Variants in GPC6 observed in about 807,000 individuals in gnomAD.
GPC6 encodes glypican 6, also known as glypican-6.
In GPC6, 14 loss-of-function variants were observed where a neutral mutation model predicts 55.2. That is an observed-to-expected ratio of 0.25 (90% CI 0.17 to 0.40). GPC6 has a LOEUF of 0.40. Among genes scored for constraint, GPC6 ranks in the 10% least tolerant of loss-of-function variants. GPC6 has a pLI of 1.00. For missense variants in GPC6, 641 were observed against 708.5 expected (o/e 0.90, Z 1.08); for synonymous variants, 278 against 259.6 (o/e 1.07, Z -0.68).
At chr13:94,174,503 G>C (rs567191490) in intron 4 of GPC6, among the ~76,000 whole-genome samples, 3 of 152,032 alleles carry the variant, frequency 2.0e-5, no homozygotes, top group Non-Finnish European at 4.4e-5. Flanking sequence ...GAACAAGGAA[G>C]CACAAAATTG....
chr13:93,809,254 G>A (rs994815688), intron 2 of GPC6, among the ~76,000 whole-genome samples: 20 of 152,110 alleles, frequency 1.3e-4, no homozygotes, highest in African/African-American at 3.9e-4. Context: ...GAGTTCCCAG[G>A]ATCAGTGACC....
chr13:93,626,801 C>CA (rs57272841), intron 2 of GPC6, among the ~76,000 whole-genome samples: 1,198 of 67,328 alleles, frequency 0.018, 12 homozygotes, highest in East Asian at 0.048. Context: ...GACTGCATCT[C>CA]AAAAAAAAAA....
rs367773534 is a variant in GPC6 at position 93,503,348 on chromosome 13, C to T, written c.161-41915C>T. On this transcript the variant is annotated intron_variant, in intron 1 of 8. Transcript: ENST00000377047. ...GGTGAATCTTTAGGGCAGCAGTTAGCACAATTTTCTATAAAGGACCAGACA... is the reference window on the plus strand; with the variant it reads ...GGTGAATCTTTAGGGCAGCAGTTAGTACAATTTTCTATAAAGGACCAGACA... Among the ~76,000 whole-genome samples, 343 of 152,282 alleles carry T rather than the reference C, an allele frequency of 2.3e-3. 3 individuals are homozygous for T. Among genetic ancestry groups the T allele is most frequent in the African/African-American group, 7.8e-3 (324 of 41,560 alleles).
At position 93,273,190 on chromosome 13, in the gene GPC6, AT is replaced by A. The variant is rs563682993; in HGVS notation, c.160+45579del. 3.8e-3 allele frequency among the ~76,000 whole-genome samples: 584 copies of A among 152,236 alleles called. 3 individuals carry two copies. The highest frequency in any genetic ancestry group is 0.014 in the African/African-American group (564 of 41,518). ...CATCTAGGAATATGTTTTCCAAGTG[AT>A]TTTTACAAAAAGATAGTCTGAATCT... On this transcript the variant is annotated intron_variant, in intron 1 of 8. Transcript: ENST00000377047.
At chr13:93,870,468 G>A (rs1889095783) in intron 3 of GPC6, among the ~76,000 whole-genome samples, 1 of 151,782 alleles carries the variant, frequency 6.6e-6, no homozygotes, top group Non-Finnish European at 1.5e-5. Flanking sequence ...TTTTATTATA[G>A]AATAGTCCAA....
At chr13:94,286,518 T>C (rs767991945) in intron 5 of GPC6, 39 bp downstream of exon 5, 1 of 1,571,066 alleles carries the variant, frequency 6.4e-7, no homozygotes, top group Non-Finnish European at 8.8e-7. Context: ...TACATGTATG[T>C]TATACAGGTG....
intron 3 of GPC6, among the ~76,000 whole-genome samples, chr13:93,853,012 TA>T (rs949926213): frequency 6.0e-4 from 91 of 151,848 alleles, no homozygotes; most frequent in Middle Eastern, 6.8e-3. Context: ...AAAATCCAGT[TA>T]AAAAATAATT....
At chr13:93,853,750 C>T (rs1455435619) in intron 3 of GPC6, among the ~76,000 whole-genome samples, 2 of 151,534 alleles carry the variant, frequency 1.3e-5, no homozygotes, top group African/African-American at 2.4e-5. Context: ...AATGTGTTTT[C>T]TGAATTTCTT....
At chr13:93,974,178 T>G (rs1462990558) in intron 3 of GPC6, among the ~76,000 whole-genome samples, 1 of 152,222 alleles carries the variant, frequency 6.6e-6, no homozygotes, top group Non-Finnish European at 1.5e-5. Context: ...TTTCTCTGAA[T>G]TCCTGGTAAT....
chr13:93,623,682 T>C (rs751507079), intron 2 of GPC6, among the ~76,000 whole-genome samples: 4 of 152,038 alleles, frequency 2.6e-5, no homozygotes, highest in Admixed American at 6.6e-5. Context: ...ATGGTCTTGA[T>C]CTCCTGACCT....
intron 2 of GPC6, among the ~76,000 whole-genome samples, chr13:93,727,313 A>T (rs887692043): frequency 1.3e-5 from 2 of 152,166 alleles, no homozygotes; most frequent in African/African-American, 4.8e-5. Context: ...ACCACTGGCT[A>T]CAGAATATTG....
intron 3 of GPC6, among the ~76,000 whole-genome samples, chr13:93,860,864 C>G (rs1021096643): frequency 1.3e-5 from 2 of 151,608 alleles, no homozygotes; most frequent in African/African-American, 2.4e-5. Context: ...CTTAGTTGCT[C>G]TCACTATAGC....
At chr13:93,600,950 AAAAAAAAAAAAAAAAAG>A (rs1877988475) in intron 2 of GPC6, among the ~76,000 whole-genome samples, 1 of 134,176 alleles carries the variant, frequency 7.5e-6, no homozygotes, top group South Asian at 2.3e-4. Context: ...ATTCCGCCTC[AAAAAAAAAAAAAAAAAG>A]AAAAAAAAAA....
intron 4 of GPC6, among the ~76,000 whole-genome samples, chr13:94,157,086 G>A (rs547649078): frequency 3.9e-5 from 6 of 152,238 alleles, no homozygotes; most frequent in East Asian, 3.9e-4. Flanking sequence ...TTAAGCAAAC[G>A]AAAAAGATCC....
At chr13:93,250,071 G>A (rs2139026960) in intron 1 of GPC6, among the ~76,000 whole-genome samples, 1 of 152,232 alleles carries the variant, frequency 6.6e-6, no homozygotes, top group South Asian at 2.1e-4. Flanking sequence ...TTGACTCCTG[G>A]CTCCTCTACT....
chr13:93,486,658 C>T (rs918550626), intron 1 of GPC6, among the ~76,000 whole-genome samples: 2 of 152,096 alleles, frequency 1.3e-5, no homozygotes, highest in African/African-American at 4.8e-5. Flanking sequence ...GTGTAAGAGA[C>T]CATCTTGGCC....
At chr13:94,027,614 G>T in intron 3 of GPC6, 115 bp from the exon 4 acceptor site, 1 of 902,058 alleles carries the variant, frequency 1.1e-6, no homozygotes. Context: ...TTCAAGATCA[G>T]TAATTACAAA....
At chr13:93,513,294 C>T (rs7331487) in intron 1 of GPC6, among the ~76,000 whole-genome samples, 101,640 of 152,026 alleles carry the variant, frequency 0.67, 36,268 homozygotes, top group Non-Finnish European at 0.81. Context: ...CCCGGATGCC[C>T]CTGGGATGAT....
intron 1 of GPC6, among the ~76,000 whole-genome samples, chr13:93,383,732 A>T (rs912213876): frequency 2.0e-5 from 3 of 147,484 alleles, no homozygotes; most frequent in South Asian, 2.1e-4. Context: ...CAAACCAAGA[A>T]TTTTTTTTTT....
Sources: allele counts gnomAD v4.1 joint callset (sites outside exome capture counted in the v4.1 genomes callset), GRCh38; gene constraint gnomAD v4.1.1; transcripts MANE v1.5; gene names NCBI Gene and HGNC (gene_info 2026-07-23, HGNC 2026-07-21).